AGAP2: variants seen among roughly 807,000 people sequenced by gnomAD.
The protein encoded by AGAP2 is ArfGAP with GTPase domain, ankyrin repeat and PH domain 2.
In AGAP2, 32 loss-of-function variants were observed where a neutral mutation model predicts 110.9. The observed-to-expected ratio is 0.29, with a 90% CI of 0.22 to 0.39. The LOEUF (loss-of-function observed/expected upper bound fraction) is 0.39. Ranked by LOEUF, AGAP2 falls within the 10% of genes least tolerant of loss-of-function variation. AGAP2 has a pLI of 1.00. For synonymous variants in AGAP2, 702 were observed against 713.0 expected (o/e 0.98, Z 0.25); for missense variants, 1,285 against 1,638.5 (o/e 0.78, Z 3.72).
chr12:57,730,254 G>A (rs116898708), intron 12 of AGAP2: 9,573 of 556,898 alleles, frequency 0.017, 119 homozygotes, highest in Non-Finnish European at 0.021. Context: ...ACTGAGGCAC[G>A]GAGAGGTCAA....
rs1410705097 is a variant in AGAP2 at position 57,737,469 on chromosome 12, C to T, written c.778G>A (p.Ala260Thr). The change falls in exon 1 of 19, where the codon GCT becomes ACT. Residue 260 changes from alanine (A) to threonine (T), a missense_variant. By Grantham distance (58) the Ala-to-Thr change is moderately conservative. Transcript: ENST00000547588. This position sits in a 1 kb window ranked among gnomAD's most constrained non-coding sequence, Gnocchi z 5.9. ...GGGGACAACTTCCCTCGGGCTCCAG[C>T]CCCAGCCCCGACCCCACCAGAGGTC... is the stretch of plus-strand genomic sequence containing the variant. ...ASTSGGVGAG[A>T]GARGKLSPRK... 6.2e-7 allele frequency: 1 copy of T among 1,610,754 alleles called. No homozygotes were observed. Among genetic ancestry groups the T allele is most frequent in the Non-Finnish European group, 8.5e-7 (1 of 1,178,650 alleles).
chr12:57,739,914 C>T (rs573461230), upstream of AGAP2: 1 of 152,374 alleles, frequency 6.6e-6, no homozygotes, highest in Non-Finnish European at 1.5e-5. Flanking sequence ...CCGTCTGCTC[C>T]GTGTCCCCCA....
chr12:57,737,313 G>T lies in AGAP2; in HGVS notation c.934C>A (p.Pro312Thr). The part of the protein sequence containing the change: ...ATAVTAASAQ[P>T]PGPAPPITLE... ...GTGATTGGAGGTGCAGGCCCGGGGGGCTGCGCGGAAGCAGCGGTGACAGCA... is the reference window on the plus strand; with the variant it reads ...GTGATTGGAGGTGCAGGCCCGGGGGTCTGCGCGGAAGCAGCGGTGACAGCA... Residue 312 changes from proline (P) to threonine (T), a missense_variant, in exon 1 of 19, where the codon CCC (proline) becomes ACC (threonine). Physicochemically the swap from Pro to Thr is conservative, Grantham distance 38. This residue lies in a region of AGAP2 where 844 missense variants were observed against 941.2 expected (regional missense o/e 0.90). Coordinates refer to ENST00000547588, the MANE Select transcript of AGAP2 (RefSeq NM_001122772.3). This position sits in a 1 kb window ranked among gnomAD's most constrained non-coding sequence, Gnocchi z 5.9. 1 of 1,613,824 alleles carries T rather than the reference G, an allele frequency of 6.2e-7. No homozygotes were observed. Among genetic ancestry groups the T allele is most frequent in the Non-Finnish European group, 8.5e-7 (1 of 1,179,826 alleles).
downstream of AGAP2, chr12:57,724,800 G>C (rs537889996): frequency 6.6e-6 from 1 of 152,200 alleles, no homozygotes; most frequent in African/African-American, 2.4e-5. Flanking sequence ...TGCCACCAAG[G>C]TCCCCTAGCT....
chr12:57,734,116 A>G lies in AGAP2; in HGVS notation c.1459T>C (p.Phe487Leu). The change falls in exon 5 of 19, where the codon TTC becomes CTC. Residue 487 changes from phenylalanine (F) to leucine (L), a missense_variant. Transcript: ENST00000547588. Reference protein sequence around the residue: ...FVFSLEDENSFQAVSRLHGQL... With the variant: ...FVFSLEDENSLQAVSRLHGQL... ...CCATGGAGACGGCTCACAGCCTGGA[A>G]ACTGTTCTCATCCTCCAGGCTGAAG... is the stretch of plus-strand genomic sequence containing the variant. 2 of 1,613,764 alleles carry G rather than the reference A, an allele frequency of 1.2e-6. No individual in the cohort carries two copies. The highest frequency in any genetic ancestry group is 1.7e-6 in the Non-Finnish European group (2 of 1,179,836).
Position 57,737,131 on chromosome 12 carries a change from A to T in AGAP2, c.1116T>A (p.Ser372=). ...GCAGCTCCCTGGACCCGCTGCCAGA[A>T]GACAGGCTGGGGGGTCCGGGAAGGG... ...SGPLPGPPSL[S]SGSGSRELLG... is the part of the protein sequence containing the mutation. The change falls in exon 1 of 19, where the codon TCT becomes TCA. Residue 372 remains serine (S), a synonymous_variant. Transcript: ENST00000547588. The surrounding 1 kb of genome is among the most constrained non-coding windows in gnomAD (Gnocchi z 5.9). The T allele has an allele frequency of 1.3e-6, 2 of 1,568,366 alleles. No individual in the cohort carries two copies. Among genetic ancestry groups the T allele is most frequent in the Non-Finnish European group, 1.7e-6 (2 of 1,157,440 alleles).
Position 57,730,497 on chromosome 12 carries a change from G to A in AGAP2, c.2426C>T (p.Thr809Met), listed in dbSNP as rs747768095. ...PDRNLARALS[T>M]DCTPSGDLSP... ...GATGGAAGGTCATCCCCACTGACCC[G>A]TGCTGAGGGCTCGGGCCAAATTCCG... The change falls in exon 12 of 19, where the codon ACG (threonine) becomes ATG (methionine). Residue 809 changes from threonine (T) to methionine (M), a missense_variant and splice_region_variant. Transcript: ENST00000547588. 24 of 1,614,072 alleles carry A rather than the reference G, an allele frequency of 1.5e-5. No individual in the cohort carries two copies. The highest frequency in any genetic ancestry group is 6.6e-5 in the South Asian group (6 of 91,084).
Position 57,737,837 on chromosome 12 carries a change from G to C in AGAP2, c.410C>G (p.Pro137Arg). 1 of 1,476,988 alleles carries C rather than the reference G, an allele frequency of 6.8e-7. No homozygotes were observed. The highest frequency in any genetic ancestry group is 1.5e-5 in the African/African-American group (1 of 68,646). The allele number at this position is 1,476,988 out of a possible 1,614,324, so 91.5% of individuals were successfully genotyped here. The change falls in exon 1 of 19, where the codon CCC becomes CGC. Residue 137 changes from proline (P) to arginine (R), a missense_variant. Pro to Arg is a moderately radical substitution (Grantham distance 103). Transcript: ENST00000547588. The surrounding 1 kb of genome is among the most constrained non-coding windows in gnomAD (Gnocchi z 5.9). The part of the protein sequence containing the change: ...LSPDPKPGGA[P>R]TSSRRPLLSS... ...GAGCAGGGGGCGCCGGGAGGAGGTG[G>C]GGGCGCCCCCAGGCTTGGGGTCGGG...
intron 12 of AGAP2, among the ~76,000 whole-genome samples, chr12:57,729,970 T>TTCTG (rs1392129360): frequency 1.3e-5 from 2 of 152,216 alleles, no homozygotes; most frequent in African/African-American, 4.8e-5. Flanking sequence ...CAGATCCTGG[T>TTCTG]TCTGCCACTT....
chr12:57,738,589 T>C lies in AGAP2; in HGVS notation c.-343A>G, dbSNP rs969932547. On this transcript the variant is annotated 5_prime_UTR_variant, in exon 1 of 19. Coordinates refer to ENST00000547588, the MANE Select transcript of AGAP2 (RefSeq NM_001122772.3). The surrounding 1 kb of genome is among the most constrained non-coding windows in gnomAD (Gnocchi z 6.7). ...CGGGGAGGACAGTAGTGGGGGCAAATGGGGGAGAGAGAGGAAAAGGGAGCA... is the reference window on the plus strand; with the variant it reads ...CGGGGAGGACAGTAGTGGGGGCAAACGGGGGAGAGAGAGGAAAAGGGAGCA... 7.1e-6 allele frequency among the ~76,000 whole-genome samples: 1 copy of C among 141,468 alleles called. No homozygotes were observed. Among genetic ancestry groups the C allele is most frequent in the Non-Finnish European group, 1.6e-5 (1 of 64,390 alleles). 92.8% of individuals were successfully genotyped at this position (141,468 alleles called of 152,430 possible).
intron 1 of AGAP2, among the ~76,000 whole-genome samples, chr12:57,736,391 C>T (rs1954982699): frequency 6.6e-6 from 1 of 152,236 alleles, no homozygotes; most frequent in African/African-American, 2.4e-5. Flanking sequence ...ATTGCCTTTG[C>T]AGCAGTTCCG....
chr12:57,738,756 C>T (rs1955038633), upstream of AGAP2, among the ~76,000 whole-genome samples: 1 of 101,030 alleles, frequency 9.9e-6, no homozygotes, highest in South Asian at 3.5e-4. The surrounding 1 kb of genome is among the most constrained non-coding windows in gnomAD (Gnocchi z 6.7). Context: ...GCTGGCCGTG[C>T]GGGGGATTCG....
chr12:57,730,846 G>A lies in AGAP2; in HGVS notation c.2253C>T (p.Ala751=), dbSNP rs745615735. ...TGTCCTTGACGAGCCCGTTAATGCT[G>A]GCTGAGGGGCCAAAGGCAGAGATGG... The part of the protein sequence containing the change: ...PRAISAFGPS[A]SINGLVKDMS... Residue 751 remains alanine (A), a synonymous_variant, in exon 11 of 19, where the codon GCC becomes GCT. Transcript: ENST00000547588. 5.6e-6 allele frequency: 9 copies of A among 1,613,938 alleles called. No homozygotes were observed. The East Asian group carries it at 1.6e-4, about 28-fold the overall frequency.
chr12:57,732,785 G>T, intron 6 of AGAP2, 60 bp downstream of exon 6: 2 of 1,604,000 alleles, frequency 1.2e-6, no homozygotes, highest in South Asian at 1.1e-5. Context: ...CCTGACCACT[G>T]AGAATATCCC....
Position 57,735,384 on chromosome 12 carries a change from A to C in AGAP2, c.1212T>G (p.Ile404Met). Residue 404 changes from isoleucine to methionine, a missense_variant, in exon 2 of 19, where the codon ATT becomes ATG. Ile to Met is a conservative substitution (Grantham distance 10). This residue lies in a region of AGAP2 where 844 missense variants were observed against 941.2 expected (regional missense o/e 0.90). Transcript: ENST00000547588. Reference sequence around the variant, plus strand: ...GGTTACCTACCAGGCGCAGTTCAGGAATGGAGCGGCTCAAAGTCCATTCCT... The same window carrying C: ...GGTTACCTACCAGGCGCAGTTCAGGCATGGAGCGGCTCAAAGTCCATTCCT... ...NSQEWTLSRS[I>M]PELRLGVLGD... 1 of 1,613,962 alleles carries C rather than the reference A, an allele frequency of 6.2e-7. No homozygotes were observed. The highest frequency in any genetic ancestry group is 8.5e-7 in the Non-Finnish European group (1 of 1,179,970).
intron 1 of AGAP2, among the ~76,000 whole-genome samples, chr12:57,736,469 AG>A (rs1239200195): frequency 6.6e-6 from 1 of 152,036 alleles, no homozygotes; most frequent in Non-Finnish European, 1.5e-5. Flanking sequence ...GGGGGTGGGC[AG>A]TGGGGGAAGT....
At position 57,732,501 on chromosome 12, in the gene AGAP2, C is replaced by T. The variant is rs1421926359; in HGVS notation, c.1696G>A (p.Val566Met). Residue 566 changes from valine (V) to methionine (M), a missense_variant, in exon 7 of 19, where the codon GTG (valine) becomes ATG (methionine). Coordinates refer to ENST00000547588, the MANE Select transcript of AGAP2 (RefSeq NM_001122772.3). Reference sequence around the variant, plus strand: ...TGTTGCTGCTTGCGCAAGGTCACCACCTTCTGGGCCACTGAGGGGAGTTGA... The same window carrying T: ...TGTTGCTGCTTGCGCAAGGTCACCATCTTCTGGGCCACTGAGGGGAGTTGA... ...DRVFQEVAQKVVTLRKQQQLL... is the reference protein window; with the variant it reads ...DRVFQEVAQKMVTLRKQQQLL... 10 of 1,584,998 alleles carry T rather than the reference C, an allele frequency of 6.3e-6. No homozygotes were observed. The highest frequency in any genetic ancestry group is 3.4e-5 in the South Asian group (3 of 87,374).
At chr12:57,724,342 A>G (rs1161983045), downstream of AGAP2, 1 of 152,326 alleles carries the variant, frequency 6.6e-6, no homozygotes, top group Non-Finnish European at 1.5e-5. Flanking sequence ...GCTGTGCCCA[A>G]CCTGCACTGG....
downstream of AGAP2, chr12:57,724,652 G>A (rs1469202132): frequency 6.6e-6 from 1 of 152,202 alleles, no homozygotes; most frequent in Non-Finnish European, 1.5e-5. Flanking sequence ...GAGGCCAGGG[G>A]AGGAACCCCT....
Sources: gnomAD v4.1 joint callset for allele counts (sites outside exome capture counted in the v4.1 genomes callset) on GRCh38, gnomAD v4.1.1 for gene constraint, gnomAD v4.1.1 regional missense constraint, Gnocchi (gnomAD v3.1) non-coding constraint, MANE v1.5 for transcripts, NCBI Gene and HGNC (gene_info 2026-07-23, HGNC 2026-07-21) for gene names.